Variants in ARMC9 observed in about 807,000 individuals in gnomAD.
ARMC9 encodes the protein armadillo repeat containing 9.
Under a neutral mutation model 107.0 loss-of-function variants are expected in ARMC9, and 94 were observed. That is an observed-to-expected ratio of 0.88 (90% CI 0.74 to 1.04). The LOEUF (loss-of-function observed/expected upper bound fraction) is 1.04. Among genes scored for constraint, ARMC9 ranks in the 50% least tolerant of loss-of-function variants. The pLI, the probability that ARMC9 is intolerant of heterozygous loss-of-function variation, is 0.00. For synonymous variants in ARMC9, 380 were observed against 396.9 expected (o/e 0.96, Z 0.51); for missense variants, 942 against 1,030.1 (o/e 0.91, Z 1.17).
intron 19 of ARMC9, among the ~76,000 whole-genome samples, chr2:231,317,709 G>A (rs1575063912): frequency 6.6e-6 from 1 of 152,092 alleles, no homozygotes; most frequent in African/African-American, 2.4e-5. Flanking sequence ...TCTTTGAGCT[G>A]GATACTTTCT....
intron 11 of ARMC9, among the ~76,000 whole-genome samples, chr2:231,260,810 CAG>C (rs1228209013): frequency 2.0e-5 from 3 of 152,220 alleles, no homozygotes; most frequent in Admixed American, 6.5e-5. Flanking sequence ...CTTGCTGAGA[CAG>C]GGTATTCCTT....
At chr2:231,288,517 GA>G (rs1254972529) in intron 17 of ARMC9, 1 of 409,250 alleles carries the variant, frequency 2.4e-6, no homozygotes, top group Non-Finnish European at 5.1e-6. Flanking sequence ...ATTAGACTGT[GA>G]AGCTGGAACG....
At chr2:231,323,862 T>C (rs939452542) in intron 19 of ARMC9, among the ~76,000 whole-genome samples, 1 of 152,190 alleles carries the variant, frequency 6.6e-6, no homozygotes, top group East Asian at 1.9e-4. Flanking sequence ...ATCTATGCAT[T>C]TGACATTGAA....
rs1466888275 is a variant in ARMC9 at position 231,375,596 on chromosome 2, G to C, written c.*4061G>C. 6.6e-6 allele frequency among the ~76,000 whole-genome samples: 1 copy of C among 152,310 alleles called. No individual in the cohort carries two copies. Among genetic ancestry groups the C allele is most frequent in the East Asian group, 1.9e-4 (1 of 5,194 alleles). On this transcript the variant is annotated 3_prime_UTR_variant, in exon 25 of 25. Coordinates refer to ENST00000611582, the MANE Select transcript of ARMC9 (RefSeq NM_001352754.2). This position sits in a 1 kb window ranked among gnomAD's most constrained non-coding sequence, Gnocchi z 4.3. The stretch of plus-strand genomic sequence containing the variant: ...CAGATGTGGAGACATGGTCCCACTG[G>C]CTTTCAAGTTGCCATCCATCTTCTA...
At chr2:231,236,061 T>C (rs2035686590) in intron 8 of ARMC9, among the ~76,000 whole-genome samples, 1 of 152,202 alleles carries the variant, frequency 6.6e-6, no homozygotes, top group Admixed American at 6.5e-5. Context: ...TCCTGGGGAT[T>C]ACAGGTGTGA....
At chr2:231,278,121 G>A (rs2039918989) in intron 15 of ARMC9, among the ~76,000 whole-genome samples, 1 of 152,102 alleles carries the variant, frequency 6.6e-6, no homozygotes, top group African/African-American at 2.4e-5. Flanking sequence ...GAGGTTCTAT[G>A]CTACACTGAG....
intron 5 of ARMC9, among the ~76,000 whole-genome samples, chr2:231,219,154 T>G (rs897042840): frequency 2.7e-5 from 4 of 149,924 alleles, no homozygotes; most frequent in African/African-American, 4.9e-5. Flanking sequence ...TTTTTTTTTT[T>G]GTCAAGTATC....
chr2:231,218,245 A>G (rs2033740051), intron 5 of ARMC9, among the ~76,000 whole-genome samples: 1 of 152,180 alleles, frequency 6.6e-6, no homozygotes, highest in South Asian at 2.1e-4. Context: ...ATCATTCTAG[A>G]TTTAGTTTTA....
intron 19 of ARMC9, among the ~76,000 whole-genome samples, chr2:231,298,890 T>G (rs946086164): frequency 4.6e-5 from 7 of 152,132 alleles, no homozygotes; most frequent in African/African-American, 1.4e-4. Flanking sequence ...GCTAAGATCC[T>G]GCCAGTGCAC....
rs16827871 is a variant in ARMC9 at position 231,223,887 on chromosome 2, C to G, written c.597+1067C>G. ...TTTGCATATCCAAACCTTTTCCTTC[C>G]TAGAGTTCCATATACAGTGATTTTC... On this transcript the variant is annotated intron_variant, in intron 6 of 24. Coordinates refer to ENST00000611582, the MANE Select transcript of ARMC9 (RefSeq NM_001352754.2). 5.3e-3 allele frequency among the ~76,000 whole-genome samples: 812 copies of G among 152,256 alleles called. 11 individuals carry two copies. The highest frequency in any genetic ancestry group is 0.019 in the African/African-American group (780 of 41,554).
At chr2:231,248,462 C>G (rs2036974108) in intron 9 of ARMC9, among the ~76,000 whole-genome samples, 1 of 152,102 alleles carries the variant, frequency 6.6e-6, no homozygotes, top group Non-Finnish European at 1.5e-5. Flanking sequence ...CCGTTATCAC[C>G]TTAGGGTGAA....
In ARMC9 at chr2:231,272,945, G is replaced by A. The variant is rs2125436601; in HGVS notation, c.1211-10G>A. The A allele has an allele frequency of 6.2e-7, 1 of 1,610,204 alleles. No homozygotes were observed. Among genetic ancestry groups the A allele is most frequent in the Non-Finnish European group, 8.5e-7 (1 of 1,178,880 alleles). ...GTCTTTCACCTGTTTCATCTCTGGTGTATTATCAGGTCGCCTCTACCTTGC... is the reference window on the plus strand; with the variant it reads ...GTCTTTCACCTGTTTCATCTCTGGTATATTATCAGGTCGCCTCTACCTTGC... On this transcript the variant is annotated splice_polypyrimidine_tract_variant and intron_variant, in intron 13 of 24. Coordinates refer to ENST00000611582, the MANE Select transcript of ARMC9 (RefSeq NM_001352754.2).
chr2:231,319,101 T>G (rs1431333433), intron 19 of ARMC9, among the ~76,000 whole-genome samples: 1 of 152,152 alleles, frequency 6.6e-6, no homozygotes, highest in Non-Finnish European at 1.5e-5. Flanking sequence ...GCTTCTATCC[T>G]GAGAGAGGAG....
At chr2:231,265,843 A>G (rs1490207813) in intron 12 of ARMC9, among the ~76,000 whole-genome samples, 1 of 152,008 alleles carries the variant, frequency 6.6e-6, no homozygotes, top group African/African-American at 2.4e-5. Context: ...CCCTGTCTCT[A>G]CTAAAGATGC....
At chr2:231,269,877 C>T (rs2039171624) in intron 12 of ARMC9, among the ~76,000 whole-genome samples, 1 of 147,670 alleles carries the variant, frequency 6.8e-6, no homozygotes, top group Admixed American at 6.8e-5. Flanking sequence ...CCCCACCCTC[C>T]CCCCCTATTT....
At chr2:231,271,097 G>A in intron 13 of ARMC9, 25 bp downstream of exon 13, 3 of 1,610,392 alleles carry the variant, frequency 1.9e-6, no homozygotes, top group Non-Finnish European at 2.5e-6. Flanking sequence ...TTGCTTCAAA[G>A]ATAAGAGCTA....
At chr2:231,350,894 G>A (rs1256248217) in intron 21 of ARMC9, among the ~76,000 whole-genome samples, 1 of 142,630 alleles carries the variant, frequency 7.0e-6, no homozygotes, top group Non-Finnish European at 1.5e-5. Flanking sequence ...TGTTGCTTGA[G>A]ATGCTATGCT....
chr2:231,220,236 G>A (rs929645882), intron 5 of ARMC9, among the ~76,000 whole-genome samples: 5 of 150,634 alleles, frequency 3.3e-5, no homozygotes, highest in African/African-American at 1.2e-4. Flanking sequence ...TTTTTTTGTT[G>A]TTTATTGAAA....
At chr2:231,359,620 C>T (rs1216819987) in intron 22 of ARMC9, among the ~76,000 whole-genome samples, 2 of 152,182 alleles carry the variant, frequency 1.3e-5, no homozygotes, top group Non-Finnish European at 2.9e-5. Context: ...TGACTCCACA[C>T]GTTGTAATGG....
Sources: gnomAD v4.1 joint callset for allele counts (sites outside exome capture counted in the v4.1 genomes callset) on GRCh38, gnomAD v4.1.1 for gene constraint, Gnocchi (gnomAD v3.1) non-coding constraint, MANE v1.5 for transcripts, NCBI Gene and HGNC (gene_info 2026-07-23, HGNC 2026-07-21) for gene names.